The following CAMK1D variants were observed in gnomAD, a reference collection of about 807,000 sequenced individuals.
The protein encoded by CAMK1D is calcium/calmodulin dependent protein kinase ID.
In CAMK1D, 9 loss-of-function variants were observed where a neutral mutation model predicts 47.7. The observed-to-expected ratio is 0.19, with a 90% CI of 0.11 to 0.33. CAMK1D has a LOEUF of 0.33. Among genes scored for constraint, CAMK1D ranks in the 10% least tolerant of loss-of-function variants. CAMK1D has a pLI of 1.00. For missense variants in CAMK1D, 291 were observed against 488.7 expected (o/e 0.60, Z 3.81); for synonymous variants, 184 against 184.9 (o/e 0.99, Z 0.04).
intron 3 of CAMK1D, among the ~76,000 whole-genome samples, chr10:12,751,071 GAT>G (rs1564535339): frequency 4.0e-5 from 1 of 25,136 alleles, no homozygotes; most frequent in Non-Finnish European, 8.5e-5. Context: ...GATAAGATAA[GAT>G]AAGATAAGAT....
At chr10:12,474,579 A>G (rs573849999) in intron 1 of CAMK1D, among the ~76,000 whole-genome samples, 84 of 152,210 alleles carry the variant, frequency 5.5e-4, no homozygotes, top group African/African-American at 1.8e-3. Context: ...TATTTGAGGT[A>G]GATATTATTA....
At chr10:12,621,984 G>A (rs540165790) in intron 2 of CAMK1D, among the ~76,000 whole-genome samples, 34 of 152,186 alleles carry the variant, frequency 2.2e-4, no homozygotes, top group Non-Finnish European at 4.1e-4. Context: ...ATGGTCACCT[G>A]CTCGGGGAGC....
chr10:12,690,375 C>T (rs188549842), intron 3 of CAMK1D, among the ~76,000 whole-genome samples: 25 of 152,184 alleles, frequency 1.6e-4, no homozygotes, highest in African/African-American at 5.5e-4. Context: ...GAGACGCAGC[C>T]TCCAGTGTAA....
intron 2 of CAMK1D, among the ~76,000 whole-genome samples, chr10:12,646,578 G>A (rs576124108): frequency 6.6e-6 from 1 of 152,208 alleles, no homozygotes; most frequent in East Asian, 1.9e-4. Flanking sequence ...TTGCATCTCA[G>A]TTTCTCCTTG....
chr10:12,663,173 C>A (rs1375200090), intron 2 of CAMK1D, among the ~76,000 whole-genome samples: 1 of 151,670 alleles, frequency 6.6e-6, no homozygotes, highest in Non-Finnish European at 1.5e-5. Context: ...GTTGGCCAGG[C>A]TGGTCTGGAA....
At chr10:12,594,063 C>T (rs972452400) in intron 2 of CAMK1D, among the ~76,000 whole-genome samples, 7 of 152,144 alleles carry the variant, frequency 4.6e-5, no homozygotes, top group Non-Finnish European at 1.0e-4. Flanking sequence ...GTAATCCCAG[C>T]TACTTGGGAG....
At chr10:12,384,882 T>TC (rs1838444371) in intron 1 of CAMK1D, among the ~76,000 whole-genome samples, 1 of 152,132 alleles carries the variant, frequency 6.6e-6, no homozygotes, top group South Asian at 2.1e-4. Flanking sequence ...GTTTTGAAAA[T>TC]CTGTAAAGGG....
intron 3 of CAMK1D, among the ~76,000 whole-genome samples, chr10:12,694,816 A>G (rs1438923339): frequency 6.6e-6 from 1 of 151,756 alleles, no homozygotes. Context: ...GTTTCTCAAA[A>G]GCAACACTGG....
rs1387025295 is a variant in CAMK1D at position 12,479,009 on chromosome 10, C to CT, written c.93-74209dup. Among the ~76,000 whole-genome samples the CT allele has an allele frequency of 8.5e-5, 13 of 152,194 alleles. 2 individuals are homozygous for CT. Among genetic ancestry groups the CT allele is most frequent in the Admixed American group, 7.9e-4 (12 of 15,284 alleles). ...CCTTATGAGGTGCGCCCAATTAACT[C>CT]TTTTTTTATGAATGGGGGAACTCTG... On this transcript the variant is annotated intron_variant, in intron 1 of 10. Transcript: ENST00000619168.
chr10:12,580,442 G>A (rs768411066), intron 2 of CAMK1D, among the ~76,000 whole-genome samples: 1 of 149,626 alleles, frequency 6.7e-6, no homozygotes, highest in East Asian at 2.0e-4. Context: ...CAAAGCTAGT[G>A]ACTCTGCAAT....
At chr10:12,547,345 A>C (rs755003476) in intron 1 of CAMK1D, among the ~76,000 whole-genome samples, 3 of 152,208 alleles carry the variant, frequency 2.0e-5, no homozygotes, top group African/African-American at 4.8e-5. Flanking sequence ...TGCAGAGAGA[A>C]GAGTGGGGCA....
intron 3 of CAMK1D, among the ~76,000 whole-genome samples, chr10:12,732,012 G>A (rs1834910950): frequency 6.6e-6 from 1 of 152,182 alleles, no homozygotes; most frequent in African/African-American, 2.4e-5. Context: ...GGGAGGCTGA[G>A]ACGGGTGGGT....
chr10:12,546,999 A>C (rs1278017739), intron 1 of CAMK1D, among the ~76,000 whole-genome samples: 2 of 152,214 alleles, frequency 1.3e-5, no homozygotes, highest in Non-Finnish European at 2.9e-5. Context: ...GGAGGCCATC[A>C]AAGGACCAGA....
intron 1 of CAMK1D, among the ~76,000 whole-genome samples, chr10:12,514,034 A>C (rs1078773): frequency 0.2 from 30,206 of 152,182 alleles, 3,177 homozygotes; most frequent in African/African-American, 0.23. Context: ...CCATCTGCAC[A>C]CAGGCATTTG....
chr10:12,561,118 C>G lies in CAMK1D; in HGVS notation c.224+7762C>G, dbSNP rs564004081. 3.3e-5 allele frequency among the ~76,000 whole-genome samples: 5 copies of G among 151,906 alleles called. No homozygotes were observed. In the South Asian group the frequency reaches 1.0e-3, roughly 32 times the overall value. On this transcript the variant is annotated intron_variant, in intron 2 of 10. Coordinates refer to ENST00000619168, the MANE Select transcript of CAMK1D (RefSeq NM_153498.4). ...TTTTTTAATAGAGACAGGGTTTCAC[C>G]GTGTTAGCCAGATTGGTCTCGATCT...
At chr10:12,727,369 C>G (rs975690026) in intron 3 of CAMK1D, among the ~76,000 whole-genome samples, 1 of 152,184 alleles carries the variant, frequency 6.6e-6, no homozygotes, top group African/African-American at 2.4e-5. Context: ...GCTTATGTAA[C>G]GATATTTCTC....
Position 12,824,326 on chromosome 10 carries a change from C to T in CAMK1D, c.834-139C>T, listed in dbSNP as rs1833120846. 1.8e-5 allele frequency: 12 copies of T among 674,632 alleles called. No homozygotes were observed. The South Asian group carries it at 2.1e-4, about 12-fold the overall frequency. The allele number at this position is 674,632 out of a possible 1,614,324, so 41.8% of individuals were successfully genotyped here. On this transcript the variant is annotated intron_variant, in intron 8 of 10. Transcript: ENST00000619168. ...AATGGCCAGGTGATGACATCAGCAGCCTGGAAGGGCAGCGGCCAGCCACCC... is the reference window on the plus strand; with the variant it reads ...AATGGCCAGGTGATGACATCAGCAGTCTGGAAGGGCAGCGGCCAGCCACCC...
intron 1 of CAMK1D, among the ~76,000 whole-genome samples, chr10:12,478,725 A>G (rs1833975133): frequency 1.3e-5 from 2 of 152,112 alleles, no homozygotes; most frequent in African/African-American, 2.4e-5. Context: ...GCGACCCCAA[A>G]TCCTGAGGAA....
chr10:12,785,934 A>G (rs1369566972), intron 5 of CAMK1D, among the ~76,000 whole-genome samples: 1 of 152,222 alleles, frequency 6.6e-6, no homozygotes, highest in Non-Finnish European at 1.5e-5. Flanking sequence ...AGGAGAGAGA[A>G]CATCCTCGTG....
Sources: gnomAD v4.1 joint callset for allele counts (sites outside exome capture counted in the v4.1 genomes callset) on GRCh38, gnomAD v4.1.1 for gene constraint, MANE v1.5 for transcripts, NCBI Gene and HGNC (gene_info 2026-07-23, HGNC 2026-07-21) for gene names.